DYNLL2: variants seen among roughly 807,000 people sequenced by gnomAD.
DYNLL2 encodes dynein light chain 2, cytoplasmic.
A neutral mutation model predicts 9.7 loss-of-function variants in DYNLL2; 1 was observed. That is an observed-to-expected ratio of 0.10 (90% CI 0.04 to 0.49). DYNLL2 has a LOEUF of 0.49. Ranked by LOEUF, DYNLL2 falls within the 20% of genes least tolerant of loss-of-function variation. The pLI is 0.95. For synonymous variants in DYNLL2, 35 were observed against 40.5 expected (o/e 0.86, Z 0.52); for missense variants, 37 against 115.2 (o/e 0.32, Z 3.11).
In DYNLL2 at chr17:58,090,006, G is replaced by C. The variant is rs1388435197; in HGVS notation, c.*727G>C. On this transcript the variant is annotated 3_prime_UTR_variant, in exon 3 of 3. Coordinates refer to ENST00000579991, the MANE Select transcript of DYNLL2 (RefSeq NM_080677.3). Reference sequence around the variant, plus strand: ...CTTCCTGCCAGAGATCATGACAGGAGGATGCTGGGGTAGGATTAGCTTGAA... The same window carrying C: ...CTTCCTGCCAGAGATCATGACAGGACGATGCTGGGGTAGGATTAGCTTGAA... 2 of 398,268 alleles carry C rather than the reference G, an allele frequency of 5.0e-6. No individual in the cohort carries two copies. Among genetic ancestry groups the C allele is most frequent in the African/African-American group, 4.1e-5 (2 of 48,574 alleles). 24.7% of individuals were successfully genotyped at this position (398,268 alleles called of 1,614,324 possible). A position where few individuals can be genotyped will look rare whatever the true frequency, so the allele number is the denominator to read the frequency against.
intron 1 of DYNLL2, 123 bp from the exon 2 acceptor site, chr17:58,086,958 TC>T: frequency 1.7e-6 from 2 of 1,170,926 alleles, no homozygotes; most frequent in Non-Finnish European, 2.4e-6. Context: ...ATGCTTCACA[TC>T]CGTGTTTTCT....
rs1567767034 is a variant in DYNLL2, at chr17:58,089,895, G to T, written c.*616G>T. ...CCTGAGATGTGTTTGTCTGTGGTGT[G>T]TGGGAGTGGGGAGCAGATTTGTCTT... is the stretch of plus-strand genomic sequence containing the variant. On this transcript the variant is annotated 3_prime_UTR_variant, in exon 3 of 3. Coordinates refer to ENST00000579991, the MANE Select transcript of DYNLL2 (RefSeq NM_080677.3). 1.0e-5 allele frequency: 4 copies of T among 398,696 alleles called. 1 individual carries two copies. The highest frequency in any genetic ancestry group is 1.8e-5 in the Non-Finnish European group (4 of 226,184). 24.7% of individuals were successfully genotyped at this position (398,696 alleles called of 1,614,324 possible). A position where few individuals can be genotyped will look rare whatever the true frequency, so the allele number is the denominator to read the frequency against.
intron 2 of DYNLL2, among the ~76,000 whole-genome samples, chr17:58,088,663 C>T (rs2075769271): frequency 6.6e-6 from 1 of 152,158 alleles, no homozygotes; most frequent in South Asian, 2.1e-4. Flanking sequence ...CCTGGTACTC[C>T]CGATGTTTGG....
At position 58,091,698 on chromosome 17, in the gene DYNLL2, G is replaced by A. The variant is rs1181716707; in HGVS notation, c.*2419G>A. 3.3e-5 allele frequency: 5 copies of A among 152,130 alleles called. No individual in the cohort carries two copies. The highest frequency in any genetic ancestry group is 9.7e-5 in the African/African-American group (4 of 41,420). 9.4% of individuals were successfully genotyped at this position (152,130 alleles called of 1,614,324 possible). ...TTAGAAAGATGGCACCTCTTTTGGT[G>A]GAACCTAAGTGATTCTCTGAATCCT... On this transcript the variant is annotated 3_prime_UTR_variant, in exon 3 of 3. Coordinates refer to ENST00000579991, the MANE Select transcript of DYNLL2 (RefSeq NM_080677.3).
In DYNLL2 at chr17:58,089,489, G is replaced by T; in HGVS notation, c.*210G>T. On this transcript the variant is annotated 3_prime_UTR_variant, in exon 3 of 3. Transcript: ENST00000579991. Reference sequence around the variant, plus strand: ...GCCTGGGGGAAGAAGGCTGCTTTATGTTTATTTTTCAAGACTTTAAAAATA... The same window carrying T: ...GCCTGGGGGAAGAAGGCTGCTTTATTTTTATTTTTCAAGACTTTAAAAATA... The T allele has an allele frequency of 1.8e-6, 1 of 562,050 alleles. No individual in the cohort carries two copies. The highest frequency in any genetic ancestry group is 2.0e-5 in the African/African-American group (1 of 51,142). 34.8% of individuals were successfully genotyped at this position (562,050 alleles called of 1,614,324 possible). A position where few individuals can be genotyped will look rare whatever the true frequency, so the allele number is the denominator to read the frequency against.
rs2075774553 is a variant in DYNLL2 at position 58,090,060 on chromosome 17, T to G, written c.*781T>G. ...TTTTTTTCTTTACATTTTTCTCCTG[T>G]CTGCTCCCTGCTTAGCCCTCAGTTT... On this transcript the variant is annotated 3_prime_UTR_variant, in exon 3 of 3. Coordinates refer to ENST00000579991, the MANE Select transcript of DYNLL2 (RefSeq NM_080677.3). The G allele has an allele frequency of 7.6e-6, 3 of 395,900 alleles. No homozygotes were observed. Among genetic ancestry groups the G allele is most frequent in the Non-Finnish European group, 1.3e-5 (3 of 225,002 alleles). The allele number at this position is 395,900 out of a possible 1,614,324, so 24.5% of individuals were successfully genotyped here.
At chr17:58,084,904 A>G (rs1009045622) in intron 1 of DYNLL2, among the ~76,000 whole-genome samples, 3 of 149,798 alleles carry the variant, frequency 2.0e-5, no homozygotes, top group Non-Finnish European at 4.4e-5. Flanking sequence ...TTCTTCACTT[A>G]TACAGAGCCT....
At chr17:58,086,890 C>G (rs1308127524) in intron 1 of DYNLL2, among the ~76,000 whole-genome samples, 192 bp from the exon 2 acceptor site, 3 of 152,168 alleles carry the variant, frequency 2.0e-5, no homozygotes, top group East Asian at 1.9e-4. Flanking sequence ...CCTATTGGCC[C>G]TGTATTTCCC....
chr17:58,095,479 G>T lies in DYNLL2; in HGVS notation c.*6200G>T, dbSNP rs1202581606. Reference sequence around the variant, plus strand: ...TTCCTTGAAGCAGTTAATGTTATGAGATTTTGTGTCTCCTTTTAGACACAG... The same window carrying T: ...TTCCTTGAAGCAGTTAATGTTATGATATTTTGTGTCTCCTTTTAGACACAG... On this transcript the variant is annotated 3_prime_UTR_variant, in exon 3 of 3. Coordinates refer to ENST00000579991, the MANE Select transcript of DYNLL2 (RefSeq NM_080677.3). The T allele has an allele frequency of 6.6e-6, 1 of 152,188 alleles. No individual in the cohort carries two copies. The highest frequency in any genetic ancestry group is 1.5e-5 in the Non-Finnish European group (1 of 68,044). 9.4% of individuals were successfully genotyped at this position (152,188 alleles called of 1,614,324 possible). A position where few individuals can be genotyped will look rare whatever the true frequency, so the allele number is the denominator to read the frequency against.
At chr17:58,087,007 A>T (rs2075762493) in intron 1 of DYNLL2, 75 bp from the exon 2 acceptor site, 2 of 1,568,004 alleles carry the variant, frequency 1.3e-6, no homozygotes, top group Non-Finnish European at 1.7e-6. Context: ...TTGCACTGAG[A>T]CCCCACACCC....
Position 58,090,451 on chromosome 17 carries a change from G to A in DYNLL2, c.*1172G>A, listed in dbSNP as rs1177477587. 6.6e-6 allele frequency: 1 copy of A among 151,524 alleles called. No individual in the cohort carries two copies. The highest frequency in any genetic ancestry group is 2.4e-5 in the African/African-American group (1 of 41,120). The allele number at this position is 151,524 out of a possible 1,614,324, so 9.4% of individuals were successfully genotyped here. ...AGCCCAGACACTCTGCTTGCTCTCT[G>A]GCTGTCTGCTCCCTGGGAAGGCTTT... On this transcript the variant is annotated 3_prime_UTR_variant, in exon 3 of 3. Transcript: ENST00000579991.
chr17:58,084,613 C>T (rs993594476), intron 1 of DYNLL2, among the ~76,000 whole-genome samples: 1 of 152,146 alleles, frequency 6.6e-6, no homozygotes, highest in African/African-American at 2.4e-5. Context: ...TTGGGCTTCA[C>T]CTCTCTCAGA....
intron 1 of DYNLL2, among the ~76,000 whole-genome samples, chr17:58,084,311 G>A (rs1053009624): frequency 7.9e-5 from 12 of 152,228 alleles, no homozygotes; most frequent in Non-Finnish European, 2.9e-5. Context: ...GAAGAGGGAA[G>A]TAGAAGTGTG....
In DYNLL2 at chr17:58,093,546, T is replaced by G. The variant is rs561692480; in HGVS notation, c.*4267T>G. The G allele has an allele frequency of 6.6e-6, 1 of 152,268 alleles. No individual in the cohort carries two copies. The highest frequency in any genetic ancestry group is 2.1e-4 in the South Asian group (1 of 4,816). The allele number at this position is 152,268 out of a possible 1,614,324, so 9.4% of individuals were successfully genotyped here. A position where few individuals can be genotyped will look rare whatever the true frequency, so the allele number is the denominator to read the frequency against. On this transcript the variant is annotated 3_prime_UTR_variant, in exon 3 of 3. Transcript: ENST00000579991. Reference sequence around the variant, plus strand: ...ACTTAGCACTGTGATGCACAAAGGCTTAACTGGGTTTGGCAGCAAGGGTCT... The same window carrying G: ...ACTTAGCACTGTGATGCACAAAGGCGTAACTGGGTTTGGCAGCAAGGGTCT...
At chr17:58,086,144 G>A (rs1232453364) in intron 1 of DYNLL2, among the ~76,000 whole-genome samples, 1 of 152,154 alleles carries the variant, frequency 6.6e-6, no homozygotes, top group Non-Finnish European at 1.5e-5. Context: ...TACCTCTTAC[G>A]GGCATCTCAG....
chr17:58,089,951 C>T lies in DYNLL2; in HGVS notation c.*672C>T, dbSNP rs1051662613. Reference sequence around the variant, plus strand: ...CTTTGTCAGAATTTCTAAGTAAGGGCTGTGTCTTTGTGGATTACCTTCTTT... The same window carrying T: ...CTTTGTCAGAATTTCTAAGTAAGGGTTGTGTCTTTGTGGATTACCTTCTTT... On this transcript the variant is annotated 3_prime_UTR_variant, in exon 3 of 3. Transcript: ENST00000579991. 1.3e-5 allele frequency: 5 copies of T among 398,672 alleles called. No individual in the cohort carries two copies. The highest frequency in any genetic ancestry group is 2.2e-5 in the Non-Finnish European group (5 of 226,144). 24.7% of individuals were successfully genotyped at this position (398,672 alleles called of 1,614,324 possible).
intron 1 of DYNLL2, among the ~76,000 whole-genome samples, chr17:58,084,708 G>C (rs956116531): frequency 6.6e-6 from 1 of 152,156 alleles, no homozygotes; most frequent in Non-Finnish European, 1.5e-5. Context: ...TTTAATTACT[G>C]TAACAAAGTT....
In DYNLL2 at chr17:58,091,576, G is replaced by C. The variant is rs916170863; in HGVS notation, c.*2297G>C. The C allele has an allele frequency of 3.3e-5, 5 of 152,180 alleles. No individual in the cohort carries two copies. The highest frequency in any genetic ancestry group is 6.6e-5 in the Admixed American group (1 of 15,266). 9.4% of individuals were successfully genotyped at this position (152,180 alleles called of 1,614,324 possible). A position where few individuals can be genotyped will look rare whatever the true frequency, so the allele number is the denominator to read the frequency against. ...TTTGCTGCTTCAACTTTTGCCCAAAGCTCTTATCTTTCATACTCCTCCCTT... is the reference window on the plus strand; with the variant it reads ...TTTGCTGCTTCAACTTTTGCCCAAACCTCTTATCTTTCATACTCCTCCCTT... On this transcript the variant is annotated 3_prime_UTR_variant, in exon 3 of 3. Coordinates refer to ENST00000579991, the MANE Select transcript of DYNLL2 (RefSeq NM_080677.3).
chr17:58,090,004 G>A lies in DYNLL2; in HGVS notation c.*725G>A. ...TTCTTCCTGCCAGAGATCATGACAG[G>A]AGGATGCTGGGGTAGGATTAGCTTG... On this transcript the variant is annotated 3_prime_UTR_variant, in exon 3 of 3. Coordinates refer to ENST00000579991, the MANE Select transcript of DYNLL2 (RefSeq NM_080677.3). The A allele has an allele frequency of 2.5e-6, 1 of 398,446 alleles. No individual in the cohort carries two copies. Among genetic ancestry groups the A allele is most frequent in the Non-Finnish European group, 4.4e-6 (1 of 226,050 alleles). The allele number at this position is 398,446 out of a possible 1,614,324, so 24.7% of individuals were successfully genotyped here.
Sources: gnomAD v4.1 joint callset for allele counts (sites outside exome capture counted in the v4.1 genomes callset) on GRCh38, gnomAD v4.1.1 for gene constraint, MANE v1.5 for transcripts, NCBI Gene and HGNC (gene_info 2026-07-23, HGNC 2026-07-21) for gene names.